The following PCDHGA10 variants were observed in gnomAD, a reference collection of about 807,000 sequenced individuals.
The protein encoded by PCDHGA10 is protocadherin gamma-A10.
Under a neutral mutation model 59.5 loss-of-function variants are expected in PCDHGA10, and 42 were observed. The ratio of observed to expected loss-of-function variants is 0.71; its 90% CI spans 0.55 to 0.91. The LOEUF is 0.91. Among genes scored for constraint, PCDHGA10 ranks in the 40% least tolerant of loss-of-function variants. The pLI, the probability that PCDHGA10 is intolerant of heterozygous loss-of-function variation, is 0.00. For missense variants in PCDHGA10, 1,111 were observed against 1,198.2 expected, an observed-to-expected ratio of 0.93 and a Z score of 1.07; for synonymous variants, 511 against 517.2, an observed-to-expected ratio of 0.99 and a Z score of 0.16.
intron 3 of PCDHGA10, chr5:141,508,010 CAAG>C (rs2099865550): frequency 6.6e-6 from 1 of 152,308 alleles, no homozygotes; most frequent in Non-Finnish European, 1.5e-5. Context: ...GGGATGCTCT[CAAG>C]GAGGCTGCGG....
intron 1 of PCDHGA10, among the ~76,000 whole-genome samples, chr5:141,480,672 T>A (rs1053078255): frequency 2.0e-5 from 3 of 152,166 alleles, no homozygotes; most frequent in African/African-American, 7.2e-5. Context: ...CCTAGAGACC[T>A]TTTAAAAATT....
intron 1 of PCDHGA10, chr5:141,478,893 T>G (rs1469313900): frequency 1.8e-6 from 2 of 1,102,894 alleles, no homozygotes; most frequent in Admixed American, 3.1e-5. Flanking sequence ...TCATTTACAT[T>G]AGGAATAAGC....
intron 1 of PCDHGA10, chr5:141,428,075 A>G (rs1427780901): frequency 5.0e-6 from 8 of 1,609,154 alleles, no homozygotes; most frequent in Non-Finnish European, 4.2e-6. Context: ...CAGATTCGGG[A>G]CACAACGCTT....
At chr5:141,479,849 C>T (rs1014214860) in intron 1 of PCDHGA10, among the ~76,000 whole-genome samples, 7 of 152,208 alleles carry the variant, frequency 4.6e-5, no homozygotes. Context: ...AAGGTGACTG[C>T]AAGGCCTTTG....
chr5:141,467,321 G>A (rs2099141786), intron 1 of PCDHGA10, among the ~76,000 whole-genome samples: 2 of 152,024 alleles, frequency 1.3e-5, no homozygotes, highest in East Asian at 1.9e-4. Context: ...CCACAGTGCT[G>A]GGATTAGAGA....
chr5:141,433,042 G>T (rs752612411), intron 1 of PCDHGA10: 10 of 1,614,024 alleles, frequency 6.2e-6, no homozygotes, highest in East Asian at 4.5e-5. Flanking sequence ...CCCTCACCAC[G>T]GACTCGCGGA....
At chr5:141,428,437 C>A in intron 1 of PCDHGA10, 1 of 400,386 alleles carries the variant, frequency 2.5e-6, no homozygotes, top group South Asian at 2.4e-5. Flanking sequence ...TAAGACTAGA[C>A]CAGGGGTTTT....
At chr5:141,488,069 C>T (rs1197698273) in intron 1 of PCDHGA10, among the ~76,000 whole-genome samples, 1 of 152,072 alleles carries the variant, frequency 6.6e-6, no homozygotes, top group Non-Finnish European at 1.5e-5. Context: ...ATCTTTGTCT[C>T]CCAGTATCTA....
intron 1 of PCDHGA10, among the ~76,000 whole-genome samples, chr5:141,453,261 A>G (rs1387512741): frequency 6.6e-6 from 1 of 152,028 alleles, no homozygotes; most frequent in Non-Finnish European, 1.5e-5. Context: ...CTGCAAGTGC[A>G]CACCACCATG....
chr5:141,423,131 A>C (rs370773437), intron 1 of PCDHGA10: 1 of 1,613,538 alleles, frequency 6.2e-7, no homozygotes. Flanking sequence ...GCACTGCTGG[A>C]CAGAGACGCG....
At position 141,432,646 on chromosome 5, in the gene PCDHGA10, G is replaced by A. The variant is rs780822589; in HGVS notation, c.2436+17035G>A. 9.3e-6 allele frequency: 15 copies of A among 1,613,690 alleles called. No individual in the cohort carries two copies. The highest frequency in any genetic ancestry group is 1.3e-5 in the Non-Finnish European group (15 of 1,179,944). ...TGCACACGGGCGAGGTGCGCACGGCGCGAGCCCTGCTGGACAGAGACGCGC... is the reference window on the plus strand; with the variant it reads ...TGCACACGGGCGAGGTGCGCACGGCACGAGCCCTGCTGGACAGAGACGCGC... On this transcript the variant is annotated intron_variant, in intron 1 of 3. Transcript: ENST00000398610. This position sits in a 1 kb window ranked among gnomAD's most constrained non-coding sequence, Gnocchi z 6.0.
At chr5:141,468,953 T>G (rs182999574) in intron 1 of PCDHGA10, among the ~76,000 whole-genome samples, 1,938 of 89,156 alleles carry the variant, frequency 0.022, 22 homozygotes, top group Non-Finnish European at 0.033. Flanking sequence ...AAACCTGTGG[T>G]TTTTTTTACC....
At position 141,485,833 on chromosome 5, in the gene PCDHGA10, G is replaced by A. The variant is rs780944737; in HGVS notation, c.2437-8974G>A. 64 of 1,613,904 alleles carry A rather than the reference G, an allele frequency of 4.0e-5. No homozygotes were observed. Among genetic ancestry groups the A allele is most frequent in the Non-Finnish European group, 2.5e-6 (3 of 1,180,004 alleles). On this transcript the variant is annotated intron_variant, in intron 1 of 3. Coordinates refer to ENST00000398610, the MANE Select transcript of PCDHGA10 (RefSeq NM_018913.3). This position sits in a 1 kb window ranked among gnomAD's most constrained non-coding sequence, Gnocchi z 5.7. Reference sequence around the variant, plus strand: ...TGACTGCTGTCGATGGAGGGAACCCGCCGAGATCTGGCACCGCAGAGCTCC... The same window carrying A: ...TGACTGCTGTCGATGGAGGGAACCCACCGAGATCTGGCACCGCAGAGCTCC...
chr5:141,471,427 AGT>A (rs1475862025), intron 1 of PCDHGA10: 1 of 152,188 alleles, frequency 6.6e-6, no homozygotes, highest in Non-Finnish European at 1.5e-5. Flanking sequence ...TAGCAAGGAA[AGT>A]GTATAATCTC....
intron 1 of PCDHGA10, chr5:141,420,053 T>C (rs1178680836): frequency 3.1e-6 from 5 of 1,613,970 alleles, no homozygotes; most frequent in Non-Finnish European, 2.5e-6. Context: ...GTCAGTTCTC[T>C]GCTCCAAGTC....
At chr5:141,422,963 C>T (rs372620011) in intron 1 of PCDHGA10, 43 of 1,614,120 alleles carry the variant, frequency 2.7e-5, no homozygotes, top group Middle Eastern at 1.6e-4. Context: ...GTGGAGCTGG[C>T]GCCCCGCTCT....
chr5:141,486,409 C>G lies in PCDHGA10; in HGVS notation c.2437-8398C>G, dbSNP rs1396288134. On this transcript the variant is annotated intron_variant, in intron 1 of 3. Coordinates refer to ENST00000398610, the MANE Select transcript of PCDHGA10 (RefSeq NM_018913.3). The surrounding 1 kb of genome is among the most constrained non-coding windows in gnomAD (Gnocchi z 5.0). Reference sequence around the variant, plus strand: ...AGTTCTCCCTGGTGACTGCTGGACCCTTGGATCGAGAGGCCAAATCTAGCT... The same window carrying G: ...AGTTCTCCCTGGTGACTGCTGGACCGTTGGATCGAGAGGCCAAATCTAGCT... 6.2e-7 allele frequency: 1 copy of G among 1,614,170 alleles called. No individual in the cohort carries two copies. Among genetic ancestry groups the G allele is most frequent in the East Asian group, 2.2e-5 (1 of 44,874 alleles).
At position 141,431,141 on chromosome 5, in the gene PCDHGA10, G is replaced by C. The variant is rs1262504427; in HGVS notation, c.2436+15530G>C. 1 of 1,614,094 alleles carries C rather than the reference G, an allele frequency of 6.2e-7. No individual in the cohort carries two copies. The highest frequency in any genetic ancestry group is 2.2e-5 in the East Asian group (1 of 44,896). On this transcript the variant is annotated intron_variant, in intron 1 of 3. Coordinates refer to ENST00000398610, the MANE Select transcript of PCDHGA10 (RefSeq NM_018913.3). The surrounding 1 kb of genome is among the most constrained non-coding windows in gnomAD (Gnocchi z 4.8). The stretch of plus-strand genomic sequence containing the variant: ...AGAAGTAGAAGTAAGGGACATTAAC[G>C]ACAATGCGCCTTACTTTCGTGAAAG...
chr5:141,507,631 C>T (rs1435446169), intron 3 of PCDHGA10, among the ~76,000 whole-genome samples: 4 of 152,236 alleles, frequency 2.6e-5, no homozygotes, highest in East Asian at 3.8e-4. Context: ...TGTGGCCTTG[C>T]GCCCTGAGGC....
Sources: gnomAD v4.1 joint callset for allele counts (sites outside exome capture counted in the v4.1 genomes callset) on GRCh38, gnomAD v4.1.1 for gene constraint, Gnocchi (gnomAD v3.1) non-coding constraint, MANE v1.5 for transcripts, NCBI Gene and HGNC (gene_info 2026-07-23, HGNC 2026-07-21) for gene names.